The following PTPRD variants were observed in gnomAD, a reference collection of about 807,000 sequenced individuals.
PTPRD encodes protein tyrosine phosphatase receptor type D.
A neutral mutation model predicts 214.5 loss-of-function variants in PTPRD; 34 were observed. The observed-to-expected ratio is 0.16, with a 90% CI of 0.12 to 0.21. The LOEUF is 0.21. Among genes scored for constraint, PTPRD ranks in the 10% least tolerant of loss-of-function variants. The pLI is 1.00. For missense variants in PTPRD, 2,545 were observed against 2,398.7 expected (o/e 1.06, Z -1.27); for synonymous variants, 1,128 against 845.7 (o/e 1.33, Z -5.79).
At chr9:10,245,260 T>C (rs1885432) in intron 3 of PTPRD, among the ~76,000 whole-genome samples, 14,758 of 152,112 alleles carry the variant, frequency 0.097, 1,300 homozygotes, top group African/African-American at 0.23. Context: ...AGAGACAGCA[T>C]TAAATATAAT....
At chr9:10,453,714 A>G (rs1386150560) in intron 2 of PTPRD, among the ~76,000 whole-genome samples, 2 of 151,614 alleles carry the variant, frequency 1.3e-5, no homozygotes, top group African/African-American at 4.8e-5. Flanking sequence ...GGGTGTTAAC[A>G]TTTCTCTACA....
chr9:9,540,922 C>T (rs889363531), intron 8 of PTPRD, among the ~76,000 whole-genome samples: 3 of 151,598 alleles, frequency 2.0e-5, no homozygotes, highest in African/African-American at 4.8e-5. Flanking sequence ...ATACTAAGAA[C>T]AATAGATAAG....
intron 8 of PTPRD, among the ~76,000 whole-genome samples, chr9:9,546,471 G>T (rs2078835200): frequency 6.6e-6 from 1 of 151,026 alleles, no homozygotes; most frequent in Non-Finnish European, 1.5e-5. Flanking sequence ...GCCATTATTT[G>T]CCCTCCTTAG....
chr9:9,282,346 T>C (rs1257393390), intron 9 of PTPRD, among the ~76,000 whole-genome samples: 1 of 151,318 alleles, frequency 6.6e-6, no homozygotes, highest in Non-Finnish European at 1.5e-5. Context: ...GGGGGCAATC[T>C]GTATTTCTTC....
At chr9:8,571,805 G>T (rs1406765830) in intron 14 of PTPRD, among the ~76,000 whole-genome samples, 1 of 152,062 alleles carries the variant, frequency 6.6e-6, no homozygotes, top group African/African-American at 2.4e-5. Context: ...TGCTCCTGGA[G>T]CTGCGGAAAT....
At chr9:8,567,000 C>A (rs144082262) in intron 14 of PTPRD, among the ~76,000 whole-genome samples, 2 of 152,140 alleles carry the variant, frequency 1.3e-5, no homozygotes, top group African/African-American at 2.4e-5. Flanking sequence ...TCTCTCCTCA[C>A]ATAAACTCCG....
chr9:10,195,098 A>ATTTT (rs34900305), intron 3 of PTPRD, among the ~76,000 whole-genome samples: 11 of 97,908 alleles, frequency 1.1e-4, no homozygotes, highest in South Asian at 3.9e-4. Flanking sequence ...ATACCCGGCT[A>ATTTT]TTTTTTTTTT....
chr9:8,928,329 GT>G (rs1260947977), intron 11 of PTPRD, among the ~76,000 whole-genome samples: 1 of 152,114 alleles, frequency 6.6e-6, no homozygotes, highest in Non-Finnish European at 1.5e-5. Context: ...GGTTTTTATG[GT>G]TTTAGGTCTA....
At chr9:8,320,609 T>A (rs1587332979) in intron 44 of PTPRD, among the ~76,000 whole-genome samples, 1 of 151,950 alleles carries the variant, frequency 6.6e-6, no homozygotes, top group East Asian at 1.9e-4. Context: ...TCTTATTTCT[T>A]GAGACTTAGA....
chr9:9,002,129 C>T (rs2099424563), intron 11 of PTPRD, among the ~76,000 whole-genome samples: 1 of 151,724 alleles, frequency 6.6e-6, no homozygotes, highest in Non-Finnish European at 1.5e-5. Flanking sequence ...TTTAACATAG[C>T]CTGATTCATA....
chr9:9,770,904 G>C lies in PTPRD; in HGVS notation c.-367-4053C>G, dbSNP rs1037296192. ...TTTACAGTTACTGTGCTTTAAAAGA[G>C]AGGTCTATATTTAGAGCCTACTTGG... On this transcript the variant is annotated intron_variant, in intron 5 of 45. Transcript: ENST00000381196. Among the ~76,000 whole-genome samples, 18 of 152,104 alleles carry C rather than the reference G, an allele frequency of 1.2e-4. 1 individual carries two copies. Among genetic ancestry groups the C allele is most frequent in the African/African-American group, 3.1e-4 (13 of 41,436 alleles).
chr9:8,647,573 A>G (rs1176596034), intron 12 of PTPRD, among the ~76,000 whole-genome samples: 2 of 152,218 alleles, frequency 1.3e-5, no homozygotes, highest in East Asian at 3.8e-4. Context: ...TTCAATCAGA[A>G]AAAGACTTCA....
At chr9:8,765,179 T>G (rs1307748251) in intron 11 of PTPRD, among the ~76,000 whole-genome samples, 1 of 152,212 alleles carries the variant, frequency 6.6e-6, no homozygotes, top group Non-Finnish European at 1.5e-5. Flanking sequence ...TTTAAAGATA[T>G]GTACACAAAT....
At chr9:10,116,927 C>CT (rs142945139) in intron 3 of PTPRD, among the ~76,000 whole-genome samples, 5,655 of 152,184 alleles carry the variant, frequency 0.037, 185 homozygotes, top group Admixed American at 0.091. Context: ...TTCATCTAGA[C>CT]TTTTTTCAAA....
chr9:8,687,770 T>C (rs545324739), intron 12 of PTPRD, among the ~76,000 whole-genome samples: 1 of 152,204 alleles, frequency 6.6e-6, no homozygotes, highest in Non-Finnish European at 1.5e-5. Flanking sequence ...CTAGTCTCCT[T>C]TTCTCAGAGT....
intron 14 of PTPRD, among the ~76,000 whole-genome samples, chr9:8,553,084 A>G (rs1564287811): frequency 6.6e-6 from 1 of 152,138 alleles, no homozygotes; most frequent in Non-Finnish European, 1.5e-5. Flanking sequence ...AATATGAAGA[A>G]TCGTTAGAAT....
At chr9:9,665,706 C>G (rs916571977) in intron 7 of PTPRD, among the ~76,000 whole-genome samples, 1 of 151,744 alleles carries the variant, frequency 6.6e-6, no homozygotes, top group African/African-American at 2.4e-5. Context: ...TTATTTATAT[C>G]CTTTTTTCCT....
intron 44 of PTPRD, among the ~76,000 whole-genome samples, chr9:8,327,001 T>G (rs574494888): frequency 9.5e-5 from 14 of 146,882 alleles, no homozygotes; most frequent in African/African-American, 3.4e-4. Flanking sequence ...ATTCATTGAT[T>G]TTTTGAAGGG....
At chr9:8,567,547 T>C (rs551042495) in intron 14 of PTPRD, among the ~76,000 whole-genome samples, 16 of 152,342 alleles carry the variant, frequency 1.1e-4, no homozygotes, top group African/African-American at 3.8e-4. Context: ...ACAGTCATCA[T>C]GGTATTTCCA....
Sources: allele counts gnomAD v4.1 joint callset (sites outside exome capture counted in the v4.1 genomes callset), GRCh38; gene constraint gnomAD v4.1.1; transcripts MANE v1.5; gene names NCBI Gene and HGNC (gene_info 2026-07-23, HGNC 2026-07-21).